The following IGFBP7 variants were observed in gnomAD, a reference collection of about 807,000 sequenced individuals.
IGFBP7 encodes insulin-like growth factor-binding protein 7.
IGFBP7 carries 31 observed loss-of-function variants against 29.4 expected under a neutral mutation model. The observed-to-expected ratio is 1.05, with a 90% CI of 0.79 to 1.42. The LOEUF is 1.42. IGFBP7 is among the 40% of genes most tolerant of loss of function. The probability of loss-of-function intolerance (pLI) is 0.00; values close to 1 mark genes in which losing one functional copy is unlikely to be tolerated. For synonymous variants in IGFBP7, 172 were observed against 174.9 expected, an observed-to-expected ratio of 0.98 and a Z score of 0.13; for missense variants, 393 against 395.5, an observed-to-expected ratio of 0.99 and a Z score of 0.05.
intron 2 of IGFBP7, 133 bp downstream of exon 2, chr4:57,040,691 G>T (rs1724199656): frequency 4.2e-6 from 3 of 711,274 alleles, no homozygotes; most frequent in South Asian, 3.0e-5. Flanking sequence ...GGGCCTGTAT[G>T]ACTGCCCTAA....
intron 1 of IGFBP7, among the ~76,000 whole-genome samples, chr4:57,090,267 A>G (rs1017871218): frequency 1.3e-5 from 2 of 152,234 alleles, no homozygotes; most frequent in African/African-American, 4.8e-5. Flanking sequence ...TTGTTTGCGT[A>G]AGAATTTCCT....
At chr4:57,041,032 C>A in intron 1 of IGFBP7, 99 bp from the exon 2 acceptor site, 1 of 782,238 alleles carries the variant, frequency 1.3e-6, no homozygotes. Context: ...ATGAGGCCAT[C>A]CCCTTGATGG....
chr4:57,064,002 A>G lies in IGFBP7; in HGVS notation c.476-23069T>C, dbSNP rs1213101434. Among the ~76,000 whole-genome samples the G allele has an allele frequency of 2.6e-5, 4 of 152,244 alleles. No individual in the cohort carries two copies. In the East Asian group the frequency reaches 7.7e-4, roughly 29 times the overall value. On this transcript the variant is annotated intron_variant, in intron 1 of 4. Transcript: ENST00000295666. Reference sequence around the variant, plus strand: ...TTTAAAAATTGGAGGTTAAGTGGTCAGATTTTTTAGTGGGAGAAGCCCGAG... The same window carrying G: ...TTTAAAAATTGGAGGTTAAGTGGTCGGATTTTTTAGTGGGAGAAGCCCGAG...
chr4:57,100,014 G>C (rs568082056), intron 1 of IGFBP7, among the ~76,000 whole-genome samples: 26 of 150,910 alleles, frequency 1.7e-4, no homozygotes, highest in African/African-American at 6.3e-4. Flanking sequence ...GAGATTATAG[G>C]CATGAGCCAC....
At chr4:57,037,523 C>T (rs12511020) in intron 2 of IGFBP7, among the ~76,000 whole-genome samples, 13,198 of 151,708 alleles carry the variant, frequency 0.087, 891 homozygotes, top group East Asian at 0.21. Context: ...ACTACAGGTG[C>T]GAGCCACCAC....
chr4:57,105,105 T>C (rs1001798808), intron 1 of IGFBP7, among the ~76,000 whole-genome samples: 4 of 152,182 alleles, frequency 2.6e-5, no homozygotes, highest in Non-Finnish European at 5.9e-5. Context: ...GGAAGGTCTA[T>C]AGTAGCCAAC....
chr4:57,035,508 G>A (rs1010171690), intron 2 of IGFBP7, among the ~76,000 whole-genome samples: 2 of 152,086 alleles, frequency 1.3e-5, no homozygotes, highest in African/African-American at 4.8e-5. Context: ...AGGGTGGAGT[G>A]CAGTGGTGCG....
chr4:57,090,876 A>G (rs1459948991), intron 1 of IGFBP7, among the ~76,000 whole-genome samples: 1 of 152,184 alleles, frequency 6.6e-6, no homozygotes, highest in African/African-American at 2.4e-5. Context: ...AACATGTGAG[A>G]GCAACAGTTT....
chr4:57,036,309 GT>G (rs1192515683), intron 2 of IGFBP7, among the ~76,000 whole-genome samples: 3 of 152,172 alleles, frequency 2.0e-5, no homozygotes, highest in Non-Finnish European at 4.4e-5. Context: ...GGAGGAGGAG[GT>G]GGGGGGAGAT....
chr4:57,048,409 A>G (rs1488534537), intron 1 of IGFBP7, among the ~76,000 whole-genome samples: 1 of 152,224 alleles, frequency 6.6e-6, no homozygotes, highest in Non-Finnish European at 1.5e-5. Context: ...GATTATTTTA[A>G]GAATATTTGA....
At chr4:57,094,204 T>C (rs949424622) in intron 1 of IGFBP7, among the ~76,000 whole-genome samples, 1 of 152,178 alleles carries the variant, frequency 6.6e-6, no homozygotes, top group Non-Finnish European at 1.5e-5. Context: ...AAGCAGGCAC[T>C]GGATGTGAGT....
chr4:57,070,482 A>G (rs946292186), intron 1 of IGFBP7, among the ~76,000 whole-genome samples: 2 of 152,248 alleles, frequency 1.3e-5, no homozygotes, highest in Non-Finnish European at 2.9e-5. Context: ...GCTGAAAATC[A>G]CACTTAACAA....
At chr4:57,032,064 G>T (rs11573128) in intron 4 of IGFBP7, 21,820 of 204,000 alleles carry the variant, frequency 0.11, 1,525 homozygotes, top group Middle Eastern at 0.2. Context: ...TGAAGGGCGA[G>T]AATTGCCCAC....
chr4:57,032,801 G>A (rs1723970369), intron 3 of IGFBP7, among the ~76,000 whole-genome samples: 1 of 152,146 alleles, frequency 6.6e-6, no homozygotes, highest in South Asian at 2.1e-4. Context: ...AACTGGATAG[G>A]TACACATTAT....
intron 1 of IGFBP7, among the ~76,000 whole-genome samples, chr4:57,045,290 C>G (rs564685390): frequency 2.6e-5 from 4 of 152,178 alleles, no homozygotes; most frequent in Non-Finnish European, 4.4e-5. Flanking sequence ...AGTGGAAGGG[C>G]AGAGGAGGGG....
At chr4:57,105,722 C>T (rs1209079028) in intron 1 of IGFBP7, among the ~76,000 whole-genome samples, 1 of 152,174 alleles carries the variant, frequency 6.6e-6, no homozygotes, top group Non-Finnish European at 1.5e-5. Flanking sequence ...CTTAACTTCT[C>T]TGCTATACTG....
chr4:57,032,476 G>A lies in IGFBP7; in HGVS notation c.779C>T (p.Ser260Leu). The A allele has an allele frequency of 6.2e-7, 1 of 1,613,916 alleles. No individual in the cohort carries two copies. The change falls in exon 4 of 5, where the codon TCA (serine) becomes TTA (leucine). Residue 260 changes from serine to leucine, a missense_variant. Ser to Leu is a moderately radical substitution (Grantham distance 145). Coordinates refer to ENST00000295666, the MANE Select transcript of IGFBP7 (RefSeq NM_001553.3). ...ASNSQGQASA[S>L]AKITVVDALH... The stretch of plus-strand genomic sequence containing the variant: ...GGCATCAACCACTGTAATTTTTGCT[G>A]ATGCTGAAGCCTGTCCTTGGGAATT...
chr4:57,032,660 A>C (rs568026829), intron 3 of IGFBP7, 108 bp from the exon 4 acceptor site: 4 of 874,564 alleles, frequency 4.6e-6, no homozygotes, highest in Non-Finnish European at 5.8e-6. Context: ...CAGGGGATTC[A>C]TAGCAAAGGT....
intron 1 of IGFBP7, among the ~76,000 whole-genome samples, chr4:57,098,218 G>C (rs964545994): frequency 1.7e-4 from 26 of 151,814 alleles, no homozygotes; most frequent in Non-Finnish European, 3.2e-4. Flanking sequence ...TAGGAGGAGT[G>C]GACCGAGCAG....
Sources: allele counts gnomAD v4.1 joint callset (sites outside exome capture counted in the v4.1 genomes callset), GRCh38; gene constraint gnomAD v4.1.1; transcripts MANE v1.5; gene names NCBI Gene and HGNC (gene_info 2026-07-23, HGNC 2026-07-21).